The following PLPPR1 variants were observed in gnomAD, a reference collection of about 807,000 sequenced individuals.
The protein encoded by PLPPR1 is phospholipid phosphatase-related protein type 1.
A neutral mutation model predicts 33.1 loss-of-function variants in PLPPR1; 10 were observed. The ratio of observed to expected loss-of-function variants is 0.30; its 90% CI spans 0.19 to 0.51. The LOEUF (loss-of-function observed/expected upper bound fraction) is 0.51. Ranked by LOEUF, PLPPR1 falls within the 20% of genes least tolerant of loss-of-function variation. The pLI, the probability that PLPPR1 is intolerant of heterozygous loss-of-function variation, is 0.97. For missense variants in PLPPR1, 304 were observed against 408.1 expected, an observed-to-expected ratio of 0.74 and a Z score of 2.20; for synonymous variants, 151 against 151.0, an observed-to-expected ratio of 1.00 and a Z score of 0.00.
At chr9:101,087,745 AG>A in intron 1 of PLPPR1, among the ~76,000 whole-genome samples, 1 of 152,368 alleles carries the variant, frequency 6.6e-6, no homozygotes, top group East Asian at 1.9e-4. Flanking sequence ...GGAAGTGGGA[AG>A]GGAGAAATTA....
intron 1 of PLPPR1, among the ~76,000 whole-genome samples, chr9:101,031,367 T>C (rs1039392044): frequency 2.2e-4 from 34 of 152,218 alleles, no homozygotes; most frequent in African/African-American, 8.0e-4. Flanking sequence ...GGAAGTCATA[T>C]AAAATATGTA....
chr9:101,219,257 T>C (rs1826873556), intron 2 of PLPPR1, among the ~76,000 whole-genome samples: 1 of 152,250 alleles, frequency 6.6e-6, no homozygotes, highest in African/African-American at 2.4e-5. Context: ...GCAGTTGGGT[T>C]ACTTTAAGCA....
intron 6 of PLPPR1, among the ~76,000 whole-genome samples, 190 bp from the exon 7 acceptor site, chr9:101,317,175 C>A (rs185048044): frequency 1.3e-5 from 2 of 152,198 alleles, no homozygotes; most frequent in Non-Finnish European, 2.9e-5. Flanking sequence ...GGGTGGAGAG[C>A]GATTATTACT....
At chr9:101,081,531 C>G (rs968071055) in intron 1 of PLPPR1, among the ~76,000 whole-genome samples, 1 of 152,118 alleles carries the variant, frequency 6.6e-6, no homozygotes, top group African/African-American at 2.4e-5. Context: ...ATCAGAAATG[C>G]CTTCCAATCT....
chr9:101,134,460 G>A (rs1201864825), intron 1 of PLPPR1, among the ~76,000 whole-genome samples: 1 of 151,176 alleles, frequency 6.6e-6, no homozygotes, highest in East Asian at 1.9e-4. Context: ...TGGGCTCACT[G>A]CAACCTCTGC....
chr9:101,156,585 A>T, intron 1 of PLPPR1, among the ~76,000 whole-genome samples: 1 of 150,684 alleles, frequency 6.6e-6, no homozygotes, highest in East Asian at 1.9e-4. Context: ...AAAGAAAGAA[A>T]GAAAAAAAAG....
At chr9:101,266,185 G>T (rs961123962) in intron 2 of PLPPR1, among the ~76,000 whole-genome samples, 2 of 151,994 alleles carry the variant, frequency 1.3e-5, no homozygotes, top group African/African-American at 4.8e-5. Flanking sequence ...CCAACACTTT[G>T]GGAGGCTGAG....
Position 101,298,940 on chromosome 9 carries a change from G to C in PLPPR1, c.386-10271G>C, listed in dbSNP as rs185161270. Among the ~76,000 whole-genome samples the C allele has an allele frequency of 1.8e-3, 267 of 152,318 alleles. 1 individual carries two copies. The highest frequency in any genetic ancestry group is 2.9e-3 in the Non-Finnish European group (200 of 68,028). On this transcript the variant is annotated intron_variant, in intron 4 of 7. Coordinates refer to ENST00000374874, the MANE Select transcript of PLPPR1 (RefSeq NM_207299.2). ...TTGGCAGTGAATTCATAGCAGGACA[G>C]AGCAATCAAGACAGGGATGATCCCA...
chr9:101,133,686 T>G (rs997093093), intron 1 of PLPPR1, among the ~76,000 whole-genome samples: 5 of 151,984 alleles, frequency 3.3e-5, no homozygotes, highest in East Asian at 1.9e-4. Context: ...GTTTTCAGCT[T>G]AAAGAACATC....
chr9:101,123,410 A>T (rs575958556), intron 1 of PLPPR1, among the ~76,000 whole-genome samples: 1 of 152,278 alleles, frequency 6.6e-6, no homozygotes, highest in Admixed American at 6.5e-5. Flanking sequence ...CTCACAGGAT[A>T]GTAGGGAGCC....
At chr9:101,078,182 GAA>G (rs1328412426) in intron 1 of PLPPR1, among the ~76,000 whole-genome samples, 1 of 42,960 alleles carries the variant, frequency 2.3e-5, no homozygotes, top group African/African-American at 1.0e-4. Context: ...AGAAGAAGAA[GAA>G]GAGGAGGGGG....
chr9:101,166,518 A>G (rs961157906), intron 1 of PLPPR1, among the ~76,000 whole-genome samples: 2 of 152,204 alleles, frequency 1.3e-5, no homozygotes, highest in Admixed American at 6.5e-5. Context: ...AAGAAAGACA[A>G]TTTGTCCAAT....
intron 1 of PLPPR1, among the ~76,000 whole-genome samples, chr9:101,037,659 G>A (rs890593023): frequency 1.3e-5 from 2 of 152,052 alleles, no homozygotes; most frequent in Non-Finnish European, 2.9e-5. Context: ...ATCGCTTCCA[G>A]GCAACCCACA....
chr9:101,134,280 T>A (rs75595905), intron 1 of PLPPR1, among the ~76,000 whole-genome samples: 1,806 of 152,310 alleles, frequency 0.012, 31 homozygotes, highest in African/African-American at 0.042. Context: ...CTTAAGGAAT[T>A]TGCTATTTAA....
At chr9:101,131,678 CCA>C (rs1265361901) in intron 1 of PLPPR1, 1 of 152,146 alleles carries the variant, frequency 6.6e-6, no homozygotes, top group Non-Finnish European at 1.5e-5. Flanking sequence ...AGCTAACTTT[CCA>C]CAGAGTCTGA....
chr9:101,242,029 C>A (rs1827480731), intron 2 of PLPPR1, among the ~76,000 whole-genome samples: 1 of 152,026 alleles, frequency 6.6e-6, no homozygotes, highest in African/African-American at 2.4e-5. Context: ...CTGCAATTAT[C>A]TAAGTTATCT....
chr9:101,062,353 A>G (rs1356101784), intron 1 of PLPPR1, among the ~76,000 whole-genome samples: 1 of 152,098 alleles, frequency 6.6e-6, no homozygotes, highest in African/African-American at 2.4e-5. Flanking sequence ...TCAAATAATA[A>G]TTGTGCAAAT....
chr9:101,096,219 C>G (rs554025498), intron 1 of PLPPR1, among the ~76,000 whole-genome samples: 2 of 152,228 alleles, frequency 1.3e-5, no homozygotes, highest in South Asian at 4.1e-4. Context: ...AGTGGAATGC[C>G]AGCAGCATCA....
At chr9:101,239,041 A>G (rs1827395139) in intron 2 of PLPPR1, among the ~76,000 whole-genome samples, 1 of 147,882 alleles carries the variant, frequency 6.8e-6, no homozygotes, top group South Asian at 2.2e-4. Context: ...CATGCTGAAT[A>G]AATAGCTGAA....
Sources: allele counts gnomAD v4.1 joint callset (sites outside exome capture counted in the v4.1 genomes callset), GRCh38; gene constraint gnomAD v4.1.1; transcripts MANE v1.5; gene names NCBI Gene and HGNC (gene_info 2026-07-23, HGNC 2026-07-21).